The following FRMD4B variants were observed in gnomAD, a reference collection of about 807,000 sequenced individuals.
FRMD4B encodes the protein FERM domain containing 4B, also known as FERM domain-containing protein 4B.
Under a neutral mutation model 141.5 loss-of-function variants are expected in FRMD4B, and 74 were observed. That is an observed-to-expected ratio of 0.52 (90% CI 0.43 to 0.63). FRMD4B has a LOEUF of 0.63. FRMD4B is among the 30% of genes least tolerant of loss of function. FRMD4B has a pLI of 0.00. For missense variants in FRMD4B, 1,366 were observed against 1,253.4 expected (o/e 1.09, Z -1.36); for synonymous variants, 506 against 467.9 (o/e 1.08, Z -1.05).
At chr3:69,455,508 C>T (rs181609454) in intron 1 of FRMD4B, among the ~76,000 whole-genome samples, 2 of 152,144 alleles carry the variant, frequency 1.3e-5, no homozygotes, top group African/African-American at 4.8e-5. Context: ...TCTGCAGCTT[C>T]CCTTCTGAAG....
At chr3:69,179,081 C>G (rs760035033) in intron 21 of FRMD4B, among the ~76,000 whole-genome samples, 24 of 151,956 alleles carry the variant, frequency 1.6e-4, no homozygotes, top group Admixed American at 7.9e-4. Flanking sequence ...AAAGTGGAGA[C>G]AGAAATGAGG....
intron 5 of FRMD4B, among the ~76,000 whole-genome samples, chr3:69,285,474 C>T (rs928315778): frequency 2.6e-5 from 4 of 151,144 alleles, no homozygotes; most frequent in African/African-American, 9.7e-5. Flanking sequence ...AGCCAAGATG[C>T]TCAATAAATG....
At chr3:69,325,387 A>G (rs1353831298) in intron 1 of FRMD4B, among the ~76,000 whole-genome samples, 1 of 152,234 alleles carries the variant, frequency 6.6e-6, no homozygotes, top group Non-Finnish European at 1.5e-5. Flanking sequence ...CTCATAAATG[A>G]CAATCCCTTA....
At chr3:69,311,064 G>A (rs543250016) in intron 3 of FRMD4B, among the ~76,000 whole-genome samples, 199 bp downstream of exon 3, 1 of 152,294 alleles carries the variant, frequency 6.6e-6, no homozygotes, top group South Asian at 2.1e-4. Flanking sequence ...AATATTTTGA[G>A]TTCCTAAAAT....
intron 1 of FRMD4B, among the ~76,000 whole-genome samples, chr3:69,330,306 C>A (rs2107326250): frequency 1.5e-5 from 2 of 131,918 alleles, no homozygotes; most frequent in South Asian, 2.5e-4. Flanking sequence ...TATATATATT[C>A]AAGGTATACA....
At chr3:69,482,842 C>T (rs892500094) in intron 1 of FRMD4B, among the ~76,000 whole-genome samples, 1 of 152,106 alleles carries the variant, frequency 6.6e-6, no homozygotes, top group East Asian at 1.9e-4. Flanking sequence ...TTTTGGTTTG[C>T]TTTTAACCAC....
intron 21 of FRMD4B, 23 bp downstream of exon 21, chr3:69,180,876 G>A (rs1263631385): frequency 8.8e-6 from 13 of 1,472,734 alleles, no homozygotes; most frequent in African/African-American, 5.6e-5. Flanking sequence ...TCCAGGTGTT[G>A]CGTGTTTTTA....
At chr3:69,274,702 A>G (rs2106951469) in intron 5 of FRMD4B, among the ~76,000 whole-genome samples, 1 of 152,128 alleles carries the variant, frequency 6.6e-6, no homozygotes, top group Non-Finnish European at 1.5e-5. Flanking sequence ...TATTTTTAGT[A>G]GAGACGGGGT....
intron 1 of FRMD4B, among the ~76,000 whole-genome samples, chr3:69,454,674 A>G (rs1244709302): frequency 6.6e-6 from 1 of 152,076 alleles, no homozygotes; most frequent in Non-Finnish European, 1.5e-5. Context: ...CACCTCCCCG[A>G]GGGGCAGGGC....
chr3:69,310,759 A>C (rs1388561366), intron 3 of FRMD4B, among the ~76,000 whole-genome samples: 1 of 69,990 alleles, frequency 1.4e-5, no homozygotes, highest in Admixed American at 1.3e-4. Context: ...GCAAAAGTGA[A>C]AAAAAAAAGA....
Position 69,328,658 on chromosome 3 carries a change from T to C in FRMD4B, c.163-15141A>G, listed in dbSNP as rs183260949. 2.8e-3 allele frequency among the ~76,000 whole-genome samples: 426 copies of C among 152,098 alleles called. 1 individual carries two copies. Among genetic ancestry groups the C allele is most frequent in the Non-Finnish European group, 4.0e-3 (269 of 67,970 alleles). On this transcript the variant is annotated intron_variant, in intron 1 of 22. Transcript: ENST00000398540. ...CCAAAACCCACCAAAACCAAGATGGTGATGAAAAAAGACCTCTGGTAGTCC... is the reference window on the plus strand; with the variant it reads ...CCAAAACCCACCAAAACCAAGATGGCGATGAAAAAAGACCTCTGGTAGTCC...
intron 5 of FRMD4B, among the ~76,000 whole-genome samples, chr3:69,284,653 C>A (rs1459135878): frequency 2.0e-5 from 3 of 152,090 alleles, no homozygotes; most frequent in Non-Finnish European, 4.4e-5. Context: ...ATAATGCCTA[C>A]CATCCTACCA....
intron 7 of FRMD4B, among the ~76,000 whole-genome samples, chr3:69,239,832 G>A (rs1015259835): frequency 6.6e-6 from 1 of 152,020 alleles, no homozygotes; most frequent in Admixed American, 6.6e-5. Flanking sequence ...TGAGGCGGGT[G>A]GATTGCCTCA....
At position 69,379,133 on chromosome 3, in the gene FRMD4B, G is replaced by C. The variant is rs575602295; in HGVS notation, c.162+6695C>G. ...ACCTTGGCATCAGAACTGAGACTTG[G>C]TGAGCCATTGACAATTATTTCAGGT... On this transcript the variant is annotated intron_variant, in intron 1 of 22. Transcript: ENST00000398540. Among the ~76,000 whole-genome samples the C allele has an allele frequency of 1.9e-4, 29 of 152,334 alleles. No homozygotes were observed. The South Asian group carries it at 5.8e-3, about 30-fold the overall frequency.
chr3:69,497,237 A>G (rs1015672503), intron 1 of FRMD4B, among the ~76,000 whole-genome samples: 16 of 152,326 alleles, frequency 1.1e-4, no homozygotes, highest in African/African-American at 3.6e-4. Context: ...AGTACCATGA[A>G]CAAGATATAA....
chr3:69,490,641 A>G (rs935125705), intron 1 of FRMD4B, among the ~76,000 whole-genome samples: 2 of 152,172 alleles, frequency 1.3e-5, no homozygotes, highest in Non-Finnish European at 2.9e-5. Context: ...GTGTCATGGC[A>G]AGTACCTAAC....
intron 2 of FRMD4B, among the ~76,000 whole-genome samples, chr3:69,395,971 C>T (rs1023570775): frequency 1.3e-5 from 2 of 152,174 alleles, no homozygotes; most frequent in Non-Finnish European, 2.9e-5. Context: ...CTTCCTCACC[C>T]TAAAACAGTT....
rs1010409170 is a variant in FRMD4B at position 69,260,350 on chromosome 3, G to A, written c.502-10251C>T. 7.2e-5 allele frequency among the ~76,000 whole-genome samples: 11 copies of A among 152,196 alleles called. No individual in the cohort carries two copies. In the South Asian group the frequency reaches 1.0e-3, roughly 14 times the overall value. ...ACGAGTTCCGGGTGGGCGTGGGCTC[G>A]GCAGCCTCTGCACCCGGAGCGGCTG... On this transcript the variant is annotated intron_variant, in intron 5 of 22. Transcript: ENST00000398540.
chr3:69,394,574 G>A (rs1704443181), intron 2 of FRMD4B, among the ~76,000 whole-genome samples: 1 of 152,174 alleles, frequency 6.6e-6, no homozygotes, highest in African/African-American at 2.4e-5. Flanking sequence ...TGGTGGGAGT[G>A]TAAATTAGTT....
Sources: gnomAD v4.1 joint callset for allele counts (sites outside exome capture counted in the v4.1 genomes callset) on GRCh38, gnomAD v4.1.1 for gene constraint, MANE v1.5 for transcripts, NCBI Gene and HGNC (gene_info 2026-07-23, HGNC 2026-07-21) for gene names.